Variants in LRP1B observed in about 807,000 individuals in gnomAD.
The protein encoded by LRP1B is low-density lipoprotein receptor-related protein 1B.
In LRP1B, 217 loss-of-function variants were observed where a neutral mutation model predicts 556.6. That is an observed-to-expected ratio of 0.39 (90% CI 0.35 to 0.44). LRP1B has a LOEUF of 0.44. LRP1B is among the 20% of genes least tolerant of loss of function. The pLI is 1.00. For synonymous variants in LRP1B, 2,047 were observed against 1,865.8 expected (o/e 1.10, Z -2.50); for missense variants, 5,053 against 5,620.8 (o/e 0.90, Z 3.23).
chr2:141,259,249 G>T (rs998839390), intron 3 of LRP1B, among the ~76,000 whole-genome samples: 1 of 152,130 alleles, frequency 6.6e-6, no homozygotes, highest in Non-Finnish European at 1.5e-5. Context: ...CTGAATGGTG[G>T]TAGAGTATTG....
intron 43 of LRP1B, among the ~76,000 whole-genome samples, chr2:140,597,339 A>G (rs558910248): frequency 1.1e-4 from 17 of 152,200 alleles, no homozygotes; most frequent in Non-Finnish European, 1.0e-4. Flanking sequence ...ACATAAGAAT[A>G]AATGGGTGGG....
chr2:140,623,688 G>T (rs1248762440), intron 41 of LRP1B, among the ~76,000 whole-genome samples: 1 of 151,948 alleles, frequency 6.6e-6, no homozygotes, highest in South Asian at 2.1e-4. Flanking sequence ...GGAGACCAAG[G>T]TGGGTGGATC....
chr2:141,623,112 C>T (rs1688562234), intron 2 of LRP1B, among the ~76,000 whole-genome samples: 1 of 152,108 alleles, frequency 6.6e-6, no homozygotes, highest in Non-Finnish European at 1.5e-5. Flanking sequence ...TCTAAAGATA[C>T]TTTACCAACC....
intron 18 of LRP1B, among the ~76,000 whole-genome samples, chr2:140,968,105 G>A (rs1042992848): frequency 2.9e-4 from 43 of 150,554 alleles, no homozygotes; most frequent in African/African-American, 1.0e-3. Context: ...AGAAGGAATG[G>A]TACCAGCTCC....
At chr2:141,654,191 A>G (rs1233891079) in intron 2 of LRP1B, among the ~76,000 whole-genome samples, 1 of 152,214 alleles carries the variant, frequency 6.6e-6, no homozygotes. Context: ...ATTGCAAAGG[A>G]GAAAAGGTAA....
intron 43 of LRP1B, among the ~76,000 whole-genome samples, chr2:140,588,034 G>A (rs573776913): frequency 3.6e-4 from 55 of 152,212 alleles, no homozygotes; most frequent in Middle Eastern, 6.8e-3. Context: ...CAGATGAAAG[G>A]AAATTAAGAT....
chr2:141,182,537 T>G (rs1328912579), intron 7 of LRP1B, among the ~76,000 whole-genome samples: 1 of 149,466 alleles, frequency 6.7e-6, no homozygotes, highest in East Asian at 2.0e-4. Context: ...ATTTTATTAG[T>G]TTTTTTTTTC....
chr2:140,656,195 C>T (rs1485602069), intron 41 of LRP1B, among the ~76,000 whole-genome samples: 1 of 152,144 alleles, frequency 6.6e-6, no homozygotes, highest in African/African-American at 2.4e-5. Context: ...TCAGGGAAAT[C>T]TGCTAGCAGA....
chr2:140,604,859 T>C (rs964511237), intron 41 of LRP1B, among the ~76,000 whole-genome samples: 5 of 151,738 alleles, frequency 3.3e-5, no homozygotes, highest in African/African-American at 4.8e-5. Flanking sequence ...AATCTAATGA[T>C]TTTATAAAGA....
At chr2:141,036,564 C>A (rs1698538065) in intron 11 of LRP1B, among the ~76,000 whole-genome samples, 1 of 152,056 alleles carries the variant, frequency 6.6e-6, no homozygotes, top group Non-Finnish European at 1.5e-5. Flanking sequence ...GAGCAGGGAA[C>A]CCTTTTTCCT....
chr2:141,052,673 C>A (rs983755917), intron 10 of LRP1B, among the ~76,000 whole-genome samples: 4 of 151,940 alleles, frequency 2.6e-5, no homozygotes, highest in African/African-American at 7.2e-5. Context: ...ACATGGGAAT[C>A]CTGGTTTTAC....
intron 1 of LRP1B, among the ~76,000 whole-genome samples, chr2:142,001,308 T>C (rs1702646722): frequency 6.6e-6 from 1 of 152,196 alleles, no homozygotes; most frequent in Non-Finnish European, 1.5e-5. Context: ...GCTCCATATC[T>C]TCATTGTGCA....
At chr2:140,390,234 G>T (rs1683956460) in intron 66 of LRP1B, among the ~76,000 whole-genome samples, 1 of 152,108 alleles carries the variant, frequency 6.6e-6, no homozygotes, top group Non-Finnish European at 1.5e-5. Flanking sequence ...GTACTTGATT[G>T]TAAGACTTAC....
intron 31 of LRP1B, among the ~76,000 whole-genome samples, chr2:140,816,603 A>G (rs144985813): frequency 6.6e-6 from 1 of 152,066 alleles, no homozygotes; most frequent in East Asian, 1.9e-4. Context: ...TAATCTCTCT[A>G]TATATATGTA....
intron 20 of LRP1B, among the ~76,000 whole-genome samples, chr2:140,937,533 C>T (rs996108863): frequency 2.6e-5 from 4 of 152,058 alleles, no homozygotes; most frequent in African/African-American, 7.2e-5. Context: ...AGTGTTGATG[C>T]TTGTACAACA....
chr2:141,256,338 C>T (rs1046711461), intron 3 of LRP1B, among the ~76,000 whole-genome samples: 1 of 151,612 alleles, frequency 6.6e-6, no homozygotes, highest in Non-Finnish European at 1.5e-5. Context: ...CAATAACGAA[C>T]GCTGCATTGC....
At chr2:140,483,561 A>AAT (rs755904936) in intron 59 of LRP1B, among the ~76,000 whole-genome samples, 2,551 of 141,606 alleles carry the variant, frequency 0.018, 36 homozygotes, top group Middle Eastern at 0.037. Flanking sequence ...CAGACACTCA[A>AAT]ATATATATAT....
At chr2:141,277,259 G>A (rs1367917920) in intron 3 of LRP1B, among the ~76,000 whole-genome samples, 1 of 152,180 alleles carries the variant, frequency 6.6e-6, no homozygotes, top group Non-Finnish European at 1.5e-5. Flanking sequence ...CCCACCAGCA[G>A]TGTATAAGCA....
chr2:141,444,578 CTTA>C (rs1182513958), intron 3 of LRP1B, among the ~76,000 whole-genome samples: 2 of 151,942 alleles, frequency 1.3e-5, no homozygotes, highest in African/African-American at 4.8e-5. Context: ...ATAAATAGTT[CTTA>C]TTATTTTGAG....
Sources: allele counts gnomAD v4.1 joint callset (sites outside exome capture counted in the v4.1 genomes callset), GRCh38; gene constraint gnomAD v4.1.1; transcripts MANE v1.5; gene names NCBI Gene and HGNC (gene_info 2026-07-23, HGNC 2026-07-21).